The following RNF212B variants were observed in gnomAD, a reference collection of about 807,000 sequenced individuals.
RNF212B encodes E3 ubiquitin-protein ligase RNF212B.
RNF212B carries 52 observed loss-of-function variants against 55.5 expected under a neutral mutation model. The ratio of observed to expected loss-of-function variants is 0.94; its 90% confidence interval spans 0.75 to 1.18. The LOEUF is 1.18. RNF212B is among the 50% of genes most tolerant of loss of function. The probability of loss-of-function intolerance (pLI) is 0.00; values close to 1 mark genes in which losing one functional copy is unlikely to be tolerated. For synonymous variants in RNF212B, 99 were observed against 121.4 expected, an observed-to-expected ratio of 0.82 and a Z score of 1.21; for missense variants, 289 against 350.4, an observed-to-expected ratio of 0.82 and a Z score of 1.40.
At position 23,272,834 on chromosome 14, in the gene RNF212B, A is replaced by G; in HGVS notation, c.846A>G (p.Gln282=). ...GTCCTCTGCTGCAGACTCTCTACCA[A>G]CAACGGAGGCATATGGGATTACCCA... The part of the protein sequence containing the change: ...FQLPVLQTLY[Q]QRRHMGLPSG... The change falls in exon 15 of 15, where the codon CAA becomes CAG. Residue 282 remains glutamine, a synonymous_variant. Transcript: ENST00000430154. 2 of 1,548,886 alleles carry G rather than the reference A, an allele frequency of 1.3e-6. No individual in the cohort carries two copies. Among genetic ancestry groups the G allele is most frequent in the Non-Finnish European group, 1.7e-6 (2 of 1,145,826 alleles).
At chr14:23,186,672 A>G (rs979724989) in intron 1 of RNF212B, among the ~76,000 whole-genome samples, 2 of 152,152 alleles carry the variant, frequency 1.3e-5, no homozygotes, top group African/African-American at 2.4e-5. Context: ...CTACGTTTAA[A>G]TAGTGCTTTA....
intron 2 of RNF212B, among the ~76,000 whole-genome samples, chr14:23,213,120 G>T (rs1259976566): frequency 6.6e-6 from 1 of 151,930 alleles, no homozygotes; most frequent in African/African-American, 2.4e-5. Flanking sequence ...AGACCATCCT[G>T]GCTAACACAG....
chr14:23,191,817 G>A (rs1878146803), intron 1 of RNF212B, among the ~76,000 whole-genome samples: 1 of 152,172 alleles, frequency 6.6e-6, no homozygotes, highest in Admixed American at 6.5e-5. Flanking sequence ...GCCTAGAGCA[G>A]TTCTTGGCAT....
chr14:23,271,023 C>T (rs1886035079), intron 14 of RNF212B, among the ~76,000 whole-genome samples: 1 of 152,068 alleles, frequency 6.6e-6, no homozygotes, highest in African/African-American at 2.4e-5. Flanking sequence ...TAGGAAAAAC[C>T]ACATTTACTT....
chr14:23,244,727 G>A (rs1423118343), intron 4 of RNF212B, among the ~76,000 whole-genome samples: 1 of 152,274 alleles, frequency 6.6e-6, no homozygotes, highest in Non-Finnish European at 1.5e-5. Context: ...ATTGCTTTGA[G>A]TATATAGGCC....
At chr14:23,226,318 T>TAAAAAA (rs1882011661) in intron 2 of RNF212B, among the ~76,000 whole-genome samples, 1 of 109,074 alleles carries the variant, frequency 9.2e-6, no homozygotes, top group African/African-American at 3.9e-5. Flanking sequence ...AAAAAAAAAT[T>TAAAAAA]AAATAAATAA....
chr14:23,191,232 C>T (rs1013814912), intron 1 of RNF212B, among the ~76,000 whole-genome samples: 1 of 151,806 alleles, frequency 6.6e-6, no homozygotes, highest in Non-Finnish European at 1.5e-5. Context: ...CGGTGCACAC[C>T]TGTAGTCCCA....
chr14:23,198,107 C>T (rs929613633), intron 2 of RNF212B, among the ~76,000 whole-genome samples: 7 of 152,256 alleles, frequency 4.6e-5, no homozygotes, highest in South Asian at 4.1e-4. Flanking sequence ...TGGATGTGTA[C>T]GTGCAAGTCA....
chr14:23,192,583 G>A (rs1348480583), intron 1 of RNF212B, among the ~76,000 whole-genome samples: 3 of 151,944 alleles, frequency 2.0e-5, no homozygotes, highest in Non-Finnish European at 4.4e-5. Context: ...TATACCTAAT[G>A]TGAATGACGA....
chr14:23,244,701 G>T (rs1461674739), intron 4 of RNF212B, among the ~76,000 whole-genome samples: 2 of 152,210 alleles, frequency 1.3e-5, no homozygotes, highest in Non-Finnish European at 2.9e-5. Context: ...TCAGCAGATA[G>T]ATGCACCTTC....
chr14:23,272,205 CAGG>C (rs1886147402), intron 14 of RNF212B, among the ~76,000 whole-genome samples: 1 of 152,008 alleles, frequency 6.6e-6, no homozygotes, highest in African/African-American at 2.4e-5. Flanking sequence ...ATTATGAGGT[CAGG>C]AGATCGAGAC....
rs550641556 is a variant in RNF212B at position 23,243,855 on chromosome 14, T to C, written c.154-467T>C. Among the ~76,000 whole-genome samples the C allele has an allele frequency of 2.6e-5, 4 of 152,060 alleles. No homozygotes were observed. In the South Asian group the frequency reaches 8.3e-4, roughly 32 times the overall value. Reference sequence around the variant, plus strand: ...ACTTTGGGAGGCTGATGCGGGTGGATCACCTGAGGTCAGGAGTTCGAGACC... The same window carrying C: ...ACTTTGGGAGGCTGATGCGGGTGGACCACCTGAGGTCAGGAGTTCGAGACC... On this transcript the variant is annotated intron_variant, in intron 3 of 14. Transcript: ENST00000430154.
intron 4 of RNF212B, among the ~76,000 whole-genome samples, chr14:23,248,076 A>G (rs1043603013): frequency 1.3e-5 from 2 of 152,008 alleles, no homozygotes; most frequent in Admixed American, 1.3e-4. Context: ...GCATCCTCAC[A>G]TGGCAAAAGT....
intron 2 of RNF212B, among the ~76,000 whole-genome samples, chr14:23,231,205 CTATTG>C (rs1163881311): frequency 6.6e-5 from 10 of 152,154 alleles, no homozygotes; most frequent in African/African-American, 2.4e-4. Flanking sequence ...GCTTTGGATG[CTATTG>C]TAAACAATAT....
intron 2 of RNF212B, among the ~76,000 whole-genome samples, chr14:23,227,789 G>A (rs927514753): frequency 1.3e-5 from 2 of 151,938 alleles, no homozygotes; most frequent in African/African-American, 4.8e-5. Context: ...TGTAGAGACA[G>A]GATTTTACTA....
intron 2 of RNF212B, among the ~76,000 whole-genome samples, chr14:23,214,724 A>T (rs1880903221): frequency 6.6e-6 from 1 of 151,958 alleles, no homozygotes; most frequent in Non-Finnish European, 1.5e-5. Context: ...TAATGTCAGG[A>T]CTTCAGAAAT....
At chr14:23,272,276 C>T (rs979085704) in intron 14 of RNF212B, 6 of 158,280 alleles carry the variant, frequency 3.8e-5, no homozygotes, top group Non-Finnish European at 8.4e-5. Context: ...AAAAATTAGC[C>T]GGGCATGGTG....
chr14:23,239,560 G>T (rs178771), intron 1 of RNF212B, among the ~76,000 whole-genome samples: 10,315 of 152,136 alleles, frequency 0.068, 664 homozygotes, highest in African/African-American at 0.17. Context: ...AGTTAAAAAA[G>T]AAATGGACGA....
intron 4 of RNF212B, among the ~76,000 whole-genome samples, chr14:23,248,443 T>C (rs1417394850): frequency 1.4e-5 from 2 of 143,774 alleles, no homozygotes; most frequent in African/African-American, 2.6e-5. Flanking sequence ...CAAGCCTCTT[T>C]TTTTTTTTTT....
Sources: gnomAD v4.1 joint callset for allele counts (sites outside exome capture counted in the v4.1 genomes callset) on GRCh38, gnomAD v4.1.1 for gene constraint, MANE v1.5 for transcripts, NCBI Gene and HGNC (gene_info 2026-07-23, HGNC 2026-07-21) for gene names.